The following SPTBN1 variants were observed in gnomAD, a reference collection of about 807,000 sequenced individuals.
SPTBN1 encodes spectrin beta chain, non-erythrocytic 1.
SPTBN1 carries 32 observed loss-of-function variants against 266.4 expected under a neutral mutation model. That is an observed-to-expected ratio of 0.12 (90% CI 0.09 to 0.16). The LOEUF (loss-of-function observed/expected upper bound fraction) is 0.16, where lower values mean the gene tolerates loss of function less well. Ranked by LOEUF, SPTBN1 falls within the 10% of genes least tolerant of loss-of-function variation. SPTBN1 has a pLI of 1.00. For missense variants in SPTBN1, 2,296 were observed against 3,067.1 expected, an observed-to-expected ratio of 0.75 and a Z score of 5.94; for synonymous variants, 1,336 against 1,162.2, an observed-to-expected ratio of 1.15 and a Z score of -3.04.
chr2:54,530,959 A>G (rs1671199984), intron 2 of SPTBN1, among the ~76,000 whole-genome samples: 1 of 152,092 alleles, frequency 6.6e-6, no homozygotes, highest in Admixed American at 6.5e-5. Flanking sequence ...CAGTTAGAGA[A>G]TTGGAACTTT....
At chr2:54,535,709 G>A (rs1671558416) in intron 2 of SPTBN1, among the ~76,000 whole-genome samples, 2 of 152,148 alleles carry the variant, frequency 1.3e-5, no homozygotes, top group African/African-American at 4.8e-5. Flanking sequence ...GAAACAGATG[G>A]CAAATCTGTT....
At chr2:54,630,819 C>G (rs1278841710) in intron 15 of SPTBN1, 36 bp from the exon 16 acceptor site, 1 of 1,530,086 alleles carries the variant, frequency 6.5e-7, no homozygotes, top group South Asian at 1.3e-5. Context: ...TCAGTCTTCC[C>G]TTTTTCACAC....
In SPTBN1 at chr2:54,644,434, G is replaced by T. The variant is rs1380096093; in HGVS notation, c.4117G>T (p.Ala1373Ser). The T allele has an allele frequency of 6.2e-7, 1 of 1,614,180 alleles. No homozygotes were observed. The highest frequency in any genetic ancestry group is 2.2e-5 in the East Asian group (1 of 44,880). The change falls in exon 20 of 36, where the codon GCC becomes TCC. Residue 1373 changes from alanine to serine, a missense_variant. This residue lies in a region of SPTBN1 where 386 missense variants were observed against 486.1 expected (regional missense o/e 0.79). Coordinates refer to ENST00000356805, the MANE Select transcript of SPTBN1 (RefSeq NM_003128.3). ...CCTTGAATCCACTACCCAGACAAAG[G>T]CCCAGCGGCTCTTTGATGCAAACAA... is the stretch of plus-strand genomic sequence containing the variant. ...EVLESTTQTK[A>S]QRLFDANKAE...
chr2:54,472,067 G>T, intron 1 of SPTBN1, among the ~76,000 whole-genome samples: 1 of 116,386 alleles, frequency 8.6e-6, no homozygotes, highest in Non-Finnish European at 1.6e-5. Flanking sequence ...TCGCTCTGTC[G>T]CCCAGGCCAG....
intron 2 of SPTBN1, among the ~76,000 whole-genome samples, chr2:54,595,656 G>A (rs780566196): frequency 6.6e-6 from 1 of 152,208 alleles, no homozygotes; most frequent in Non-Finnish European, 1.5e-5. Flanking sequence ...CTGCCTTCGA[G>A]CTGACCTGCA....
Position 54,624,929 on chromosome 2 carries a change from T to C in SPTBN1, c.1308T>C (p.Thr436=). 1 of 1,609,400 alleles carries C rather than the reference T, an allele frequency of 6.2e-7. No homozygotes were observed. Among genetic ancestry groups the C allele is most frequent in the Non-Finnish European group, 8.5e-7 (1 of 1,177,870 alleles). ...ATCGCAAGGCAGCTATGAGGGAGAC[T>C]TGGCTGAGCGAAAACCAGCGTCTGG... ...RFDRKAAMRE[T]WLSENQRLVS... is the part of the protein sequence containing the mutation. The change falls in exon 11 of 36, where the codon ACT becomes ACC. Residue 436 remains threonine, a synonymous_variant. Coordinates refer to ENST00000356805, the MANE Select transcript of SPTBN1 (RefSeq NM_003128.3).
In SPTBN1 at chr2:54,649,179, G is replaced by A; in HGVS notation, c.5191G>A (p.Glu1731Lys). 6.2e-7 allele frequency: 1 copy of A among 1,600,226 alleles called. No individual in the cohort carries two copies. The highest frequency in any genetic ancestry group is 8.6e-7 in the Non-Finnish European group (1 of 1,169,370). The change falls in exon 25 of 36, where the codon GAG becomes AAG. Residue 1731 changes from glutamate (E) to lysine (K), a missense_variant. Physicochemically the swap from Glu to Lys is moderately conservative, Grantham distance 56. This residue lies in a region of SPTBN1 where 644 missense variants were observed against 745.3 expected (regional missense o/e 0.86). Coordinates refer to ENST00000356805, the MANE Select transcript of SPTBN1 (RefSeq NM_003128.3). This position sits in a 1 kb window ranked among gnomAD's most constrained non-coding sequence, Gnocchi z 6.7. The part of the protein sequence containing the change: ...AGSHELGQDY[E>K]HVTMLQERFR... ...GTCCCATGAACTGGGACAGGACTATGAGCATGTCACGGCAAGTACTTGAGG... is the reference window on the plus strand; with the variant it reads ...GTCCCATGAACTGGGACAGGACTATAAGCATGTCACGGCAAGTACTTGAGG...
chr2:54,669,067 T>A lies in SPTBN1; in HGVS notation c.*498T>A, dbSNP rs1681572003. The A allele has an allele frequency of 6.0e-6, 1 of 167,868 alleles. No individual in the cohort carries two copies. The highest frequency in any genetic ancestry group is 5.7e-5 in the Admixed American group (1 of 17,668). The allele number at this position is 167,868 out of a possible 1,614,324, so 10.4% of individuals were successfully genotyped here. A position where few individuals can be genotyped will look rare whatever the true frequency, so the allele number is the denominator to read the frequency against. ...AACAGATCGCATATTATGATCTTGC[T>A]GCAGCCACAGTGCAGCTCCACATTA... On this transcript the variant is annotated 3_prime_UTR_variant, in exon 36 of 36. Transcript: ENST00000356805.
At chr2:54,565,471 C>T (rs1673601704) in intron 2 of SPTBN1, among the ~76,000 whole-genome samples, 1 of 152,178 alleles carries the variant, frequency 6.6e-6, no homozygotes, top group Non-Finnish European at 1.5e-5. Context: ...GGTCAGTTAC[C>T]TGCCTCAGTT....
At chr2:54,594,865 G>A (rs1490392664) in intron 2 of SPTBN1, among the ~76,000 whole-genome samples, 5 of 94,612 alleles carry the variant, frequency 5.3e-5, no homozygotes, top group African/African-American at 2.2e-4. Context: ...ACAGAGTTTC[G>A]CTCTTGTTGC....
chr2:54,666,140 A>T, intron 34 of SPTBN1, 52 bp downstream of exon 34: 1 of 1,535,408 alleles, frequency 6.5e-7, no homozygotes, highest in Non-Finnish European at 8.8e-7. Context: ...ATTTACTTCC[A>T]CTCTGGGGTT....
intron 1 of SPTBN1, among the ~76,000 whole-genome samples, chr2:54,464,104 A>C (rs1464185668): frequency 6.6e-6 from 1 of 152,198 alleles, no homozygotes; most frequent in Non-Finnish European, 1.5e-5. Flanking sequence ...TGATTAATAC[A>C]AACTTAGGGG....
At chr2:54,467,513 G>A (rs541316692) in intron 1 of SPTBN1, among the ~76,000 whole-genome samples, 324 of 152,178 alleles carry the variant, frequency 2.1e-3, no homozygotes, top group Middle Eastern at 6.8e-3. Context: ...TCCTGCCTCA[G>A]CCTCCCGAGT....
chr2:54,659,173 G>A lies in SPTBN1; in HGVS notation c.6263G>A (p.Arg2088His), dbSNP rs371035997. ...TCTTAGTTGGAGTTACTGGAAGTGCGCAGACAGCAAGAGGAAGAGGAGAGG... is the reference window on the plus strand; with the variant it reads ...TCTTAGTTGGAGTTACTGGAAGTGCACAGACAGCAAGAGGAAGAGGAGAGG... ...RLTTLELLEV[R>H]RQQEEEERKR... The change falls in exon 31 of 36, where the codon CGC (arginine) becomes CAC (histidine). Residue 2088 changes from arginine (R) to histidine (H), a missense_variant. This residue lies in a region of SPTBN1 where 347 missense variants were observed against 368.5 expected (regional missense o/e 0.94). Transcript: ENST00000356805. 12 of 1,613,824 alleles carry A rather than the reference G, an allele frequency of 7.4e-6. No homozygotes were observed. The highest frequency in any genetic ancestry group is 6.7e-5 in the Admixed American group (4 of 60,000).
chr2:54,586,508 T>C (rs1441580293), intron 2 of SPTBN1, among the ~76,000 whole-genome samples: 1 of 152,250 alleles, frequency 6.6e-6, no homozygotes, highest in Non-Finnish European at 1.5e-5. Context: ...GCTAATCCTT[T>C]GCAGATAAAT....
chr2:54,613,622 T>A (rs1324722558), intron 4 of SPTBN1, among the ~76,000 whole-genome samples: 2 of 152,226 alleles, frequency 1.3e-5, no homozygotes, highest in Non-Finnish European at 2.9e-5. Context: ...CCCTAGTAGT[T>A]CTGATTAAGT....
intron 1 of SPTBN1, among the ~76,000 whole-genome samples, chr2:54,462,237 A>G (rs528001199): frequency 2.7e-4 from 41 of 152,362 alleles, no homozygotes; most frequent in African/African-American, 9.6e-4. Flanking sequence ...CCTAAGCACT[A>G]TGACCCACTG....
intron 1 of SPTBN1, among the ~76,000 whole-genome samples, chr2:54,491,968 G>T (rs914527860): frequency 6.6e-6 from 1 of 152,134 alleles, no homozygotes; most frequent in African/African-American, 2.4e-5. Context: ...GAAATAGGCA[G>T]CATGGCTGGT....
chr2:54,537,509 G>A (rs1377497866), intron 2 of SPTBN1, among the ~76,000 whole-genome samples: 1 of 152,220 alleles, frequency 6.6e-6, no homozygotes, highest in Non-Finnish European at 1.5e-5. Flanking sequence ...GCATCTGACT[G>A]GCAGTTGGAG....
Sources: allele counts gnomAD v4.1 joint callset (sites outside exome capture counted in the v4.1 genomes callset), GRCh38; gene constraint gnomAD v4.1.1; regional missense constraint gnomAD v4.1.1; non-coding constraint Gnocchi (gnomAD v3.1); transcripts MANE v1.5; gene names NCBI Gene and HGNC (gene_info 2026-07-23, HGNC 2026-07-21).